The following CLYBL variants were observed in gnomAD, a reference collection of about 807,000 sequenced individuals.
The protein encoded by CLYBL is citramalyl-CoA lyase, also known as citramalyl-CoA lyase, mitochondrial.
Under a neutral mutation model 38.9 loss-of-function variants are expected in CLYBL, and 31 were observed. That is an observed-to-expected ratio of 0.80 (90% CI 0.60 to 1.08). The LOEUF (loss-of-function observed/expected upper bound fraction) is 1.08, where lower values mean the gene tolerates loss of function less well. CLYBL is among the 50% of genes least tolerant of loss of function. CLYBL has a pLI of 0.00. For synonymous variants in CLYBL, 171 were observed against 158.6 expected (o/e 1.08, Z -0.59); for missense variants, 434 against 411.6 (o/e 1.05, Z -0.47).
At chr13:99,852,734 C>G (rs1219858948) in intron 2 of CLYBL, among the ~76,000 whole-genome samples, 18 of 152,060 alleles carry the variant, frequency 1.2e-4, no homozygotes, top group Non-Finnish European at 1.5e-5. Context: ...TGCTTTCCCC[C>G]CTACACTTTA....
At chr13:99,891,221 G>A (rs1391926547) in intron 7 of CLYBL, 97 bp from the exon 8 acceptor site, 2 of 889,458 alleles carry the variant, frequency 2.2e-6, no homozygotes, top group African/African-American at 3.3e-5. Context: ...TATAATTCAG[G>A]TGGAATCTAA....
intron 2 of CLYBL, among the ~76,000 whole-genome samples, chr13:99,822,409 A>T (rs998135558): frequency 2.6e-5 from 4 of 152,342 alleles, no homozygotes. Context: ...ATGGTTCAGA[A>T]GTAAGGCTGA....
intron 1 of CLYBL, among the ~76,000 whole-genome samples, chr13:99,713,041 T>G (rs1207669482): frequency 6.6e-6 from 1 of 152,190 alleles, no homozygotes; most frequent in African/African-American, 2.4e-5. Flanking sequence ...ATGGAAAACA[T>G]TTTCCCTAAG....
chr13:99,805,141 C>T (rs1185274433), intron 2 of CLYBL, among the ~76,000 whole-genome samples: 1 of 152,194 alleles, frequency 6.6e-6, no homozygotes, highest in Non-Finnish European at 1.5e-5. Flanking sequence ...GTATATACCA[C>T]ATTTTGCTTA....
intron 2 of CLYBL, among the ~76,000 whole-genome samples, chr13:99,778,079 G>C (rs181103782): frequency 3.9e-5 from 6 of 152,196 alleles, no homozygotes; most frequent in Non-Finnish European, 7.3e-5. Context: ...CAAGGTAACT[G>C]ACAGGAGCTC....
chr13:99,637,448 A>T (rs2047034592), intron 1 of CLYBL, among the ~76,000 whole-genome samples: 1 of 152,208 alleles, frequency 6.6e-6, no homozygotes, highest in Non-Finnish European at 1.5e-5. Flanking sequence ...AGAAGAAAAA[A>T]GTTGCCACAG....
intron 1 of CLYBL, among the ~76,000 whole-genome samples, chr13:99,754,424 A>C (rs1249659299): frequency 1.3e-5 from 2 of 149,296 alleles, no homozygotes. Context: ...CTCAAAAAAA[A>C]AAAAAAAAAA....
chr13:99,608,061 CTTTTTTTTTT>C (rs56149363), intron 1 of CLYBL, among the ~76,000 whole-genome samples: 2 of 75,048 alleles, frequency 2.7e-5, no homozygotes, highest in Admixed American at 1.8e-4. Context: ...TCTGGAACTT[CTTTTTTTTTT>C]TTTTTTTTTT....
intron 2 of CLYBL, among the ~76,000 whole-genome samples, chr13:99,785,419 G>T (rs1283424768): frequency 1.3e-5 from 2 of 151,104 alleles, no homozygotes; most frequent in African/African-American, 4.9e-5. Flanking sequence ...TCTCTATGTT[G>T]CCCAGGCTTG....
chr13:99,647,324 G>T (rs958277918), intron 1 of CLYBL, among the ~76,000 whole-genome samples: 2 of 152,138 alleles, frequency 1.3e-5, no homozygotes, highest in Non-Finnish European at 2.9e-5. Context: ...AAATCAAGAC[G>T]TGTGGCTCTG....
At chr13:99,776,808 A>G (rs1272363793) in intron 2 of CLYBL, among the ~76,000 whole-genome samples, 1 of 152,018 alleles carries the variant, frequency 6.6e-6, no homozygotes, top group African/African-American at 2.4e-5. Context: ...ATGACAAGCC[A>G]TTGAGGTGCT....
At chr13:99,859,205 A>AAG (rs2051538063) in intron 3 of CLYBL, among the ~76,000 whole-genome samples, 156 bp downstream of exon 3, 1 of 152,352 alleles carries the variant, frequency 6.6e-6, no homozygotes, top group East Asian at 1.9e-4. Context: ...CGTTTCTTTT[A>AAG]CACAAGGAAA....
intron 2 of CLYBL, among the ~76,000 whole-genome samples, chr13:99,856,123 G>A (rs1403434580): frequency 6.6e-6 from 1 of 152,142 alleles, no homozygotes; most frequent in African/African-American, 2.4e-5. Flanking sequence ...AATTTCACAA[G>A]GGCCGAATTT....
At chr13:99,723,412 G>C (rs891315259) in intron 1 of CLYBL, among the ~76,000 whole-genome samples, 2 of 152,196 alleles carry the variant, frequency 1.3e-5, no homozygotes, top group Non-Finnish European at 2.9e-5. Context: ...TAAATTATGA[G>C]CTTTCTTCTT....
chr13:99,715,751 C>T (rs1308835101), intron 1 of CLYBL, among the ~76,000 whole-genome samples: 2 of 152,126 alleles, frequency 1.3e-5, no homozygotes, highest in Non-Finnish European at 2.9e-5. Context: ...GTTCCAGAGT[C>T]CTGTGGTAGA....
intron 2 of CLYBL, among the ~76,000 whole-genome samples, chr13:99,785,831 C>T (rs1387732227): frequency 6.6e-6 from 1 of 151,964 alleles, no homozygotes; most frequent in Non-Finnish European, 1.5e-5. Context: ...CTCCTGACCT[C>T]GTGATCTACC....
At chr13:99,831,789 C>T (rs549160255) in intron 2 of CLYBL, among the ~76,000 whole-genome samples, 1 of 151,672 alleles carries the variant, frequency 6.6e-6, no homozygotes, top group East Asian at 1.9e-4. Context: ...TGATATCCCT[C>T]CATCCCTGGC....
chr13:99,854,540 G>A (rs559847263), intron 2 of CLYBL, among the ~76,000 whole-genome samples: 15 of 151,912 alleles, frequency 9.9e-5, no homozygotes, highest in East Asian at 3.9e-4. Context: ...CTTCACACTC[G>A]ATTTATTCTC....
chr13:99,666,789 C>T (rs2047488230), intron 1 of CLYBL, among the ~76,000 whole-genome samples: 1 of 152,112 alleles, frequency 6.6e-6, no homozygotes, highest in South Asian at 2.1e-4. Flanking sequence ...TTTCTACTGT[C>T]CCAAAAAGCC....
Sources: allele counts gnomAD v4.1 joint callset (sites outside exome capture counted in the v4.1 genomes callset), GRCh38; gene constraint gnomAD v4.1.1; transcripts MANE v1.5; gene names NCBI Gene and HGNC (gene_info 2026-07-23, HGNC 2026-07-21).